Variants in SIGLEC1 observed in about 807,000 individuals in gnomAD.
SIGLEC1 encodes the protein sialoadhesin.
A neutral mutation model predicts 148.0 loss-of-function variants in SIGLEC1; 132 were observed. That is an observed-to-expected ratio of 0.89 (90% CI 0.77 to 1.03). The LOEUF is 1.03. Among genes scored for constraint, SIGLEC1 ranks in the 50% least tolerant of loss-of-function variants. The pLI, the probability that SIGLEC1 is intolerant of heterozygous loss-of-function variation, is 0.00. For synonymous variants in SIGLEC1, 945 were observed against 969.0 expected (o/e 0.98, Z 0.46); for missense variants, 2,253 against 2,271.4 (o/e 0.99, Z 0.16).
chr20:3,700,320 G>A (rs549255992), intron 7 of SIGLEC1, among the ~76,000 whole-genome samples: 36 of 151,830 alleles, frequency 2.4e-4, no homozygotes, highest in Non-Finnish European at 4.4e-4. Context: ...GTTTCACCAC[G>A]TTGGCCAGGC....
Position 3,692,040 on chromosome 20 carries a change from C to G in SIGLEC1, c.4193G>C (p.Gly1398Ala). 1 of 1,613,104 alleles carries G rather than the reference C, an allele frequency of 6.2e-7. No individual in the cohort carries two copies. The highest frequency in any genetic ancestry group is 8.5e-7 in the Non-Finnish European group (1 of 1,179,764). Reference protein sequence around the residue: ...TSSGVHSLASGTGHVQVARNA... With the variant: ...TSSGVHSLASATGHVQVARNA... ...TCGGGCCACCTGGACATGGCCTGTC[C>G]CTGATGCCAAGCTGTGGACCCCGCT... Residue 1398 changes from glycine to alanine, a missense_variant, in exon 17 of 22, where the codon GGG becomes GCG. Transcript: ENST00000344754.
At chr20:3,689,119 G>C (rs760434115) in intron 21 of SIGLEC1, 36 bp downstream of exon 21, 1 of 1,563,548 alleles carries the variant, frequency 6.4e-7, no homozygotes, top group Non-Finnish European at 8.8e-7. Context: ...TGGGTTAGCT[G>C]GGTATTATAT....
intron 11 of SIGLEC1, 124 bp from the exon 12 acceptor site, chr20:3,695,047 A>G: frequency 9.9e-7 from 1 of 1,011,332 alleles, no homozygotes; most frequent in Non-Finnish European, 1.4e-6. Flanking sequence ...AGCCCCTTCC[A>G]GACCACCGCC....
chr20:3,703,730 G>A (rs2087870690), intron 5 of SIGLEC1, 95 bp downstream of exon 5: 1 of 1,508,788 alleles, frequency 6.6e-7, no homozygotes. Context: ...GGTTATGCCA[G>A]TTGCTGGCCC....
intron 18 of SIGLEC1, 49 bp from the exon 19 acceptor site, chr20:3,690,313 T>C (rs1181308820): frequency 6.9e-7 from 1 of 1,455,422 alleles, no homozygotes; most frequent in Non-Finnish European, 9.2e-7. Flanking sequence ...ACCACAAATT[T>C]CTCCCTCCCT....
In SIGLEC1 at chr20:3,699,224, C is replaced by T. The variant is rs372490374; in HGVS notation, c.1764G>A (p.Ser588=). 2.2e-5 allele frequency: 36 copies of T among 1,609,894 alleles called. No homozygotes were observed. The highest frequency in any genetic ancestry group is 5.0e-5 in the Admixed American group (3 of 59,688). The change falls in exon 8 of 22, where the codon TCG becomes TCA. Residue 588 remains serine (S), a synonymous_variant. Coordinates refer to ENST00000344754, the MANE Select transcript of SIGLEC1 (RefSeq NM_023068.4). ...RDGHSASGPS[S]PAVLTVLYPP... is the part of the protein sequence containing the mutation. ...CACAGAGCACAGTGAGAACAGCTGG[C>T]GAAGAGGGGCCACTGGCACTGTGGC... is the stretch of plus-strand genomic sequence containing the variant.
intron 11 of SIGLEC1, among the ~76,000 whole-genome samples, chr20:3,695,971 C>T (rs1267221206): frequency 6.6e-5 from 10 of 152,016 alleles, no homozygotes; most frequent in African/African-American, 2.4e-4. Context: ...ACCACCACAC[C>T]TAGCTAATTT....
rs571095988 is a variant in SIGLEC1 at position 3,703,426 on chromosome 20, T to C, written c.999A>G (p.Ala333=). Residue 333 remains alanine (A), a synonymous_variant, in exon 6 of 22, where the codon GCA becomes GCG. Coordinates refer to ENST00000344754, the MANE Select transcript of SIGLEC1 (RefSeq NM_023068.4). ...IFMAEVQVSP[A]GPILENQTVT... The stretch of plus-strand genomic sequence containing the variant: ...CTGTCTGGTTCTCCAGGATGGGACC[T>C]GCTGGGCTCACCTGGACCTCAGCCA... 37 of 1,584,194 alleles carry C rather than the reference T, an allele frequency of 2.3e-5. No homozygotes were observed. The East Asian group carries it at 7.6e-4, about 33-fold the overall frequency.
In SIGLEC1 at chr20:3,703,346, C is replaced by T. The variant is rs1178752696; in HGVS notation, c.1079G>A (p.Trp360Ter). Residue 360 changes from tryptophan (W) to a stop codon, truncating the protein, a stop_gained, in exon 6 of 22, where the codon TGG becomes TAG. Coordinates refer to ENST00000344754, the MANE Select transcript of SIGLEC1 (RefSeq NM_023068.4). LOFTEE classifies it high-confidence loss of function. ...NEAPSDLRYS[W>*]YKNHVLLEDA... Reference sequence around the variant, plus strand: ...CTCCAGCAGGACATGGTTCTTGTACCAGCTGTAGCGGAGATCACTGGGTGC... The same window carrying T: ...CTCCAGCAGGACATGGTTCTTGTACTAGCTGTAGCGGAGATCACTGGGTGC... The T allele has an allele frequency of 1.9e-6, 3 of 1,614,044 alleles. No individual in the cohort carries two copies. Among genetic ancestry groups the T allele is most frequent in the Non-Finnish European group, 2.5e-6 (3 of 1,179,960 alleles).
rs2087837980 is a variant in SIGLEC1 at position 3,700,086 on chromosome 20, G to A, written c.1529-627C>T. Among the ~76,000 whole-genome samples the A allele has an allele frequency of 2.1e-5, 3 of 145,580 alleles. No homozygotes were observed. The South Asian group carries it at 6.5e-4, about 32-fold the overall frequency. ...GCCTCCCAAAGTGCTGGGATTACAGGTGTGAGCCACTGTGGCCAGCTTTTT... is the reference window on the plus strand; with the variant it reads ...GCCTCCCAAAGTGCTGGGATTACAGATGTGAGCCACTGTGGCCAGCTTTTT... On this transcript the variant is annotated intron_variant, in intron 7 of 21. Coordinates refer to ENST00000344754, the MANE Select transcript of SIGLEC1 (RefSeq NM_023068.4).
At chr20:3,709,384 G>A (rs78547119) in intron 1 of SIGLEC1, among the ~76,000 whole-genome samples, 2,732 of 152,304 alleles carry the variant, frequency 0.018, 78 homozygotes, top group African/African-American at 0.063. Context: ...CTTCACATCC[G>A]TTAGAATGGC....
intron 4 of SIGLEC1, among the ~76,000 whole-genome samples, chr20:3,704,900 A>T (rs965624440): frequency 2.0e-5 from 3 of 152,236 alleles, no homozygotes; most frequent in Non-Finnish European, 4.4e-5. Context: ...CTGGGGTTAC[A>T]GGTGTGAGCC....
At chr20:3,704,978 C>T (rs1375843671) in intron 4 of SIGLEC1, among the ~76,000 whole-genome samples, 1 of 152,112 alleles carries the variant, frequency 6.6e-6, no homozygotes, top group East Asian at 1.9e-4. Context: ...TGGGTCATCT[C>T]CTTTATTTGT....
chr20:3,697,785 C>T lies in SIGLEC1; in HGVS notation c.2122+13G>A. 1.9e-6 allele frequency: 3 copies of T among 1,611,670 alleles called. No individual in the cohort carries two copies. The highest frequency in any genetic ancestry group is 2.5e-6 in the Non-Finnish European group (3 of 1,179,382). Reference sequence around the variant, plus strand: ...CCCCTGCCCCCAGGCCACCCATTCCCTGCCTGACTCACCCTGGCCATTGAA... The same window carrying T: ...CCCCTGCCCCCAGGCCACCCATTCCTTGCCTGACTCACCCTGGCCATTGAA... On this transcript the variant is annotated intron_variant, in intron 9 of 21. Coordinates refer to ENST00000344754, the MANE Select transcript of SIGLEC1 (RefSeq NM_023068.4).
At chr20:3,691,871 G>A (rs766471108) in intron 17 of SIGLEC1, 32 bp downstream of exon 17, 3 of 1,546,094 alleles carry the variant, frequency 1.9e-6, no homozygotes, top group African/African-American at 1.4e-5. Context: ...GAGAGCATCA[G>A]AGCCCCTCCT....
chr20:3,703,764 T>C, intron 5 of SIGLEC1, 61 bp downstream of exon 5: 21 of 1,600,388 alleles, frequency 1.3e-5, no homozygotes, highest in Non-Finnish European at 1.7e-5. Flanking sequence ...CTCCCCTCCG[T>C]CCCTGAGGCC....
Position 3,707,194 on chromosome 20 carries a change from G to A in SIGLEC1, c.-66C>T, listed in dbSNP as rs1432333998. ...GCGCACTGCGCTGGCTGGGCTCACA[G>A]GGGCCTCCAGGGACACCTCTGGGCA... On this transcript the variant is annotated 5_prime_UTR_variant, in exon 2 of 22. Coordinates refer to ENST00000344754, the MANE Select transcript of SIGLEC1 (RefSeq NM_023068.4). The A allele has an allele frequency of 6.9e-7, 1 of 1,454,840 alleles. No individual in the cohort carries two copies. Among genetic ancestry groups the A allele is most frequent in the Non-Finnish European group, 9.6e-7 (1 of 1,039,788 alleles). 90.1% of individuals were successfully genotyped at this position (1,454,840 alleles called of 1,614,324 possible). A position where few individuals can be genotyped will look rare whatever the true frequency, so the allele number is the denominator to read the frequency against.
At chr20:3,711,003 G>A (rs1049959292) in intron 1 of SIGLEC1, among the ~76,000 whole-genome samples, 8 of 152,208 alleles carry the variant, frequency 5.3e-5, no homozygotes, top group African/African-American at 1.9e-4. Flanking sequence ...GGAGTTGAGG[G>A]GACAGTGCCC....
At chr20:3,692,391 A>T in intron 16 of SIGLEC1, 130 bp downstream of exon 16, 1 of 1,216,532 alleles carries the variant, frequency 8.2e-7, no homozygotes, top group Non-Finnish European at 1.1e-6. Flanking sequence ...TTTCTCTAGC[A>T]CCTATGTCCT....
Sources: gnomAD v4.1 joint callset for allele counts (sites outside exome capture counted in the v4.1 genomes callset) on GRCh38, gnomAD v4.1.1 for gene constraint, MANE v1.5 for transcripts, NCBI Gene and HGNC (gene_info 2026-07-23, HGNC 2026-07-21) for gene names.